MRTFA: variants seen among roughly 807,000 people sequenced by gnomAD.
The protein encoded by MRTFA is myocardin-related transcription factor A.
MRTFA carries 20 observed loss-of-function variants against 83.5 expected under a neutral mutation model. The ratio of observed to expected loss-of-function variants is 0.24; its 90% CI spans 0.17 to 0.35. The LOEUF (loss-of-function observed/expected upper bound fraction) is 0.35, where lower values mean the gene tolerates loss of function less well. Among genes scored for constraint, MRTFA ranks in the 10% least tolerant of loss-of-function variants. The probability of loss-of-function intolerance (pLI) is 1.00; values close to 1 mark genes in which losing one functional copy is unlikely to be tolerated. For missense variants in MRTFA, 1,200 were observed against 1,224.7 expected (o/e 0.98, Z 0.30); for synonymous variants, 659 against 541.2 (o/e 1.22, Z -3.02).
intron 3 of MRTFA, among the ~76,000 whole-genome samples, chr22:40,471,600 T>C (rs1230774437): frequency 3.3e-5 from 5 of 152,146 alleles, no homozygotes; most frequent in Non-Finnish European, 7.3e-5. Flanking sequence ...GAATTAATAC[T>C]GGCTGGGCGC....
intron 4 of MRTFA, among the ~76,000 whole-genome samples, chr22:40,441,444 A>G (rs957905343): frequency 6.6e-6 from 1 of 152,216 alleles, no homozygotes; most frequent in African/African-American, 2.4e-5. Flanking sequence ...TTTGTCAATT[A>G]AAGATATAAA....
intron 3 of MRTFA, among the ~76,000 whole-genome samples, chr22:40,527,758 TAAA>T (rs56235942): frequency 3.0e-5 from 3 of 100,056 alleles, no homozygotes; most frequent in Non-Finnish European, 4.2e-5. Flanking sequence ...GACTCCATCT[TAAA>T]AAAAAAAAAA....
At chr22:40,417,255 A>G (rs2052701363) in intron 13 of MRTFA, 86 bp downstream of exon 13, 6 of 1,530,016 alleles carry the variant, frequency 3.9e-6, no homozygotes, top group African/African-American at 2.7e-5. Context: ...CCTGCCCCCT[A>G]TTCCTCCGGG....
At chr22:40,444,230 G>A (rs1311085513) in intron 4 of MRTFA, among the ~76,000 whole-genome samples, 1 of 152,134 alleles carries the variant, frequency 6.6e-6, no homozygotes, top group Non-Finnish European at 1.5e-5. Flanking sequence ...CCAGAATACA[G>A]AATAGAAATA....
intron 2 of MRTFA, among the ~76,000 whole-genome samples, chr22:40,578,379 G>C (rs1302214269): frequency 6.6e-6 from 1 of 152,146 alleles, no homozygotes; most frequent in African/African-American, 2.4e-5. Context: ...TCAGTACTCA[G>C]TAACTTCTTG....
At chr22:40,455,302 G>A (rs1020543261) in intron 4 of MRTFA, among the ~76,000 whole-genome samples, 1 of 152,146 alleles carries the variant, frequency 6.6e-6, no homozygotes, top group East Asian at 1.9e-4. Context: ...ACATACTATT[G>A]GACAGGGCTG....
At chr22:40,489,869 C>T (rs908088713) in intron 3 of MRTFA, among the ~76,000 whole-genome samples, 2 of 148,740 alleles carry the variant, frequency 1.3e-5, no homozygotes, top group East Asian at 2.0e-4. Context: ...ATCCCTGCTA[C>T]TCGGGAGGCT....
At chr22:40,544,531 T>G (rs549456488) in intron 3 of MRTFA, among the ~76,000 whole-genome samples, 9 of 152,138 alleles carry the variant, frequency 5.9e-5, no homozygotes, top group African/African-American at 2.2e-4. Flanking sequence ...CCAGCTAAAT[T>G]TAGAGATTCT....
intron 3 of MRTFA, among the ~76,000 whole-genome samples, chr22:40,464,232 C>T (rs910100864): frequency 4.2e-5 from 5 of 119,644 alleles, no homozygotes; most frequent in African/African-American, 1.3e-4. Context: ...ACCTGGGAGG[C>T]GGAGGTTGCA....
chr22:40,411,768 G>A lies in MRTFA; in HGVS notation c.2718C>T (p.Gly906=), dbSNP rs1307181953. The A allele has an allele frequency of 9.8e-6, 15 of 1,537,136 alleles. No homozygotes were observed. The highest frequency in any genetic ancestry group is 1.3e-5 in the Non-Finnish European group (15 of 1,136,524). Residue 906 remains glycine, a synonymous_variant, in exon 15 of 15, where the codon GGC becomes GGT. Coordinates refer to ENST00000355630, the MANE Select transcript of MRTFA (RefSeq NM_020831.6). ...CCAGGCGTCCAGGGAGGGAGGGTGA[G>A]CCTGGAGGAGGTGGGGCAGCCTGGG...
chr22:40,580,981 CT>C (rs1040662990), intron 2 of MRTFA, among the ~76,000 whole-genome samples: 47 of 147,218 alleles, frequency 3.2e-4, no homozygotes, highest in Admixed American at 3.4e-4. Flanking sequence ...AATTTTTATT[CT>C]TTTTTTTTTT....
chr22:40,505,765 C>T (rs1385744043), intron 3 of MRTFA, among the ~76,000 whole-genome samples: 1 of 152,196 alleles, frequency 6.6e-6, no homozygotes. Context: ...ATGCAGCCCT[C>T]ACAAGACAAC....
chr22:40,544,120 AC>A (rs1486369826), intron 3 of MRTFA, among the ~76,000 whole-genome samples: 1 of 152,242 alleles, frequency 6.6e-6, no homozygotes, highest in Non-Finnish European at 1.5e-5. Flanking sequence ...AAAAAAATTA[AC>A]TTGTGTCTTA....
At position 40,420,298 on chromosome 22, in the gene MRTFA, G is replaced by A. The variant is rs527495572; in HGVS notation, c.1353+107C>T. On this transcript the variant is annotated intron_variant, in intron 11 of 14. Transcript: ENST00000355630. The stretch of plus-strand genomic sequence containing the variant: ...AAAGCCCTGCTCTGCTTTCCATGAC[G>A]GTGGGTCCTAGGCTGGCTGCCTTCC... The A allele has an allele frequency of 1.6e-4, 208 of 1,298,838 alleles. No individual in the cohort carries two copies. In the Middle Eastern group the frequency reaches 3.7e-3, roughly 23 times the overall value. The allele number at this position is 1,298,838 out of a possible 1,614,324, so 80.5% of individuals were successfully genotyped here. A position where few individuals can be genotyped will look rare whatever the true frequency, so the allele number is the denominator to read the frequency against.
chr22:40,437,052 TAC>T (rs1011929383), intron 4 of MRTFA, among the ~76,000 whole-genome samples: 169 of 152,250 alleles, frequency 1.1e-3, no homozygotes, highest in African/African-American at 3.1e-3. Context: ...AAAAAGAAAC[TAC>T]AGTCTTAAAA....
chr22:40,503,185 G>GCTT (rs2054525298), intron 3 of MRTFA, among the ~76,000 whole-genome samples: 3 of 152,276 alleles, frequency 2.0e-5, no homozygotes, highest in African/African-American at 7.2e-5. Context: ...AACTAACAAG[G>GCTT]CTAGAAATCT....
At chr22:40,575,023 A>G (rs976129603) in intron 2 of MRTFA, among the ~76,000 whole-genome samples, 2 of 152,232 alleles carry the variant, frequency 1.3e-5, no homozygotes, top group African/African-American at 4.8e-5. Flanking sequence ...ATTTATATTT[A>G]CACACGAGGC....
chr22:40,430,873 A>AG (rs2053054973), intron 6 of MRTFA, among the ~76,000 whole-genome samples: 2 of 151,686 alleles, frequency 1.3e-5, no homozygotes, highest in African/African-American at 4.8e-5. Flanking sequence ...AAAAAAAAAA[A>AG]AAAAAAAAGC....
At chr22:40,490,615 AAAG>A (rs1209463273) in intron 3 of MRTFA, among the ~76,000 whole-genome samples, 1 of 151,826 alleles carries the variant, frequency 6.6e-6, no homozygotes, top group Non-Finnish European at 1.5e-5. Flanking sequence ...AAAAAAAAGA[AAAG>A]AAAAGAAGAA....
Sources: gnomAD v4.1 joint callset for allele counts (sites outside exome capture counted in the v4.1 genomes callset) on GRCh38, gnomAD v4.1.1 for gene constraint, MANE v1.5 for transcripts, NCBI Gene and HGNC (gene_info 2026-07-23, HGNC 2026-07-21) for gene names.